KLRG1: variants seen among roughly 807,000 people sequenced by gnomAD.
KLRG1 encodes the protein killer cell lectin-like receptor subfamily G member 1.
A neutral mutation model predicts 21.8 loss-of-function variants in KLRG1; 16 were observed. The ratio of observed to expected loss-of-function variants is 0.73; its 90% CI spans 0.50 to 1.11. The LOEUF (loss-of-function observed/expected upper bound fraction) is 1.11. Among genes scored for constraint, KLRG1 ranks in the 50% most tolerant of loss-of-function variants. The pLI, the probability that KLRG1 is intolerant of heterozygous loss-of-function variation, is 0.00. For synonymous variants in KLRG1, 69 were observed against 75.9 expected, an observed-to-expected ratio of 0.91 and a Z score of 0.47; for missense variants, 173 against 218.3, an observed-to-expected ratio of 0.79 and a Z score of 1.31.
chr12:9,037,943 A>G, the KLRG1 span, among the ~76,000 whole-genome samples: 1 of 152,212 alleles, frequency 6.6e-6, no homozygotes, highest in African/African-American at 2.4e-5. Flanking sequence ...TTATCAGAAC[A>G]TATCCCTGTA....
chr12:9,090,638 G>A, the KLRG1 span: 1 of 723,354 alleles, frequency 1.4e-6, no homozygotes, highest in Non-Finnish European at 2.2e-6. Context: ...TATTTAAGTG[G>A]ATCTTAATGT....
chr12:8,995,068 C>T, intron 2 of KLRG1, 51 bp from the exon 3 acceptor site: 1 of 1,484,572 alleles, frequency 6.7e-7, no homozygotes, highest in South Asian at 1.4e-5. Flanking sequence ...CATTTCATTT[C>T]CAAGACTGAG....
At chr12:9,136,750 G>C in the KLRG1 span, among the ~76,000 whole-genome samples, 4 of 151,914 alleles carry the variant, frequency 2.6e-5, no homozygotes, top group South Asian at 8.3e-4. Context: ...TCTCATTGTG[G>C]TTTTGATTTG....
chr12:9,175,460 A>C, the KLRG1 span, among the ~76,000 whole-genome samples: 1 of 152,208 alleles, frequency 6.6e-6, no homozygotes, highest in Admixed American at 6.5e-5. Flanking sequence ...AAATTGGCAA[A>C]TGAGATATAA....
chr12:9,123,731 A>G, the KLRG1 span, among the ~76,000 whole-genome samples: 1 of 152,232 alleles, frequency 6.6e-6, no homozygotes, highest in Non-Finnish European at 1.5e-5. Context: ...CTAATTGACT[A>G]CATTTCTAGT....
At chr12:8,971,012 A>T (rs909222008) in intron 1 of KLRG1, 1 of 152,058 alleles carries the variant, frequency 6.6e-6, no homozygotes, top group Non-Finnish European at 1.5e-5. Context: ...TTTGTTAAAG[A>T]TTTTCATGTC....
the KLRG1 span, among the ~76,000 whole-genome samples, chr12:9,150,231 C>A: frequency 6.6e-6 from 1 of 152,162 alleles, no homozygotes; most frequent in South Asian, 2.1e-4. Context: ...GTTTCTGACT[C>A]AAGAAACACT....
intron 1 of KLRG1, among the ~76,000 whole-genome samples, chr12:8,962,070 A>G (rs1946390828): frequency 6.6e-6 from 1 of 152,136 alleles, no homozygotes; most frequent in Admixed American, 6.6e-5. Context: ...TATGCAACAG[A>G]GTGAGACCCC....
At chr12:9,152,318 G>A in the KLRG1 span, 1 of 1,602,596 alleles carries the variant, frequency 6.2e-7, no homozygotes, top group Non-Finnish European at 8.5e-7. Context: ...TAACTGTAGT[G>A]TCAAAGGAAA....
At chr12:9,152,234 G>A in the KLRG1 span, 1 of 1,607,880 alleles carries the variant, frequency 6.2e-7, no homozygotes, top group South Asian at 1.1e-5. Flanking sequence ...TTTACTGTTG[G>A]TTTCAGGGGA....
At chr12:8,991,324 T>C (rs1193485054) in intron 1 of KLRG1, among the ~76,000 whole-genome samples, 1 of 152,222 alleles carries the variant, frequency 6.6e-6, no homozygotes, top group Non-Finnish European at 1.5e-5. Context: ...AGTAGTGTCC[T>C]ATTCTTAAAC....
chr12:9,099,863 T>G, the KLRG1 span, among the ~76,000 whole-genome samples: 1 of 152,218 alleles, frequency 6.6e-6, no homozygotes, highest in East Asian at 1.9e-4. Context: ...TTCAACACAT[T>G]GTATTCATGC....
At chr12:9,201,478 C>T in the KLRG1 span, 4 of 651,936 alleles carry the variant, frequency 6.1e-6, no homozygotes, top group Admixed American at 1.1e-4. Context: ...CATAACAGAA[C>T]TGGAAAAATC....
chr12:9,089,933 T>G, the KLRG1 span: 11 of 1,612,628 alleles, frequency 6.8e-6, no homozygotes, highest in African/African-American at 2.7e-5. Flanking sequence ...GACTGTGTCT[T>G]TCCTTCCGTG....
At chr12:9,034,187 TGC>T in the KLRG1 span, among the ~76,000 whole-genome samples, 2 of 152,254 alleles carry the variant, frequency 1.3e-5, no homozygotes, top group African/African-American at 2.4e-5. Context: ...ATCACACATA[TGC>T]CGTAATTATA....
chr12:9,132,333 G>A, the KLRG1 span, among the ~76,000 whole-genome samples: 11 of 152,176 alleles, frequency 7.2e-5, no homozygotes, highest in African/African-American at 2.7e-4. Flanking sequence ...TTCAAGATAG[G>A]TCAGTGTGAT....
At chr12:9,055,205 A>T in the KLRG1 span, among the ~76,000 whole-genome samples, 639 of 152,154 alleles carry the variant, frequency 4.2e-3, 6 homozygotes, top group African/African-American at 0.015. Context: ...TTATTAATTA[A>T]TTGATTGATT....
At chr12:9,152,412 G>A in the KLRG1 span, 152 of 848,200 alleles carry the variant, frequency 1.8e-4, 4 homozygotes, top group South Asian at 1.7e-3. Context: ...TCAAGAAGTT[G>A]TCCCTAATAT....
At chr12:9,126,001 G>A in the KLRG1 span, among the ~76,000 whole-genome samples, 2 of 152,184 alleles carry the variant, frequency 1.3e-5, no homozygotes, top group Admixed American at 1.3e-4. Context: ...CCAAAGTGCT[G>A]GGATTACAGG....
Sources: allele counts gnomAD v4.1 joint callset (sites outside exome capture counted in the v4.1 genomes callset), GRCh38; gene constraint gnomAD v4.1.1; transcripts MANE v1.5; gene names NCBI Gene and HGNC (gene_info 2026-07-23, HGNC 2026-07-21).